LRRN1: variants seen among roughly 807,000 people sequenced by gnomAD.
LRRN1 encodes leucine-rich repeat neuronal protein 1.
LRRN1 carries 14 observed loss-of-function variants against 45.8 expected under a neutral mutation model. The observed-to-expected ratio is 0.31, with a 90% CI of 0.20 to 0.48. The LOEUF (loss-of-function observed/expected upper bound fraction) is 0.48. Ranked by LOEUF, LRRN1 falls within the 20% of genes least tolerant of loss-of-function variation. LRRN1 has a pLI of 0.99. For missense variants in LRRN1, 789 were observed against 874.2 expected (o/e 0.90, Z 1.23); for synonymous variants, 359 against 330.1 (o/e 1.09, Z -0.95).
At chr3:3,826,609 G>A (rs1352457393) in intron 1 of LRRN1, among the ~76,000 whole-genome samples, 2 of 151,994 alleles carry the variant, frequency 1.3e-5, no homozygotes, top group Admixed American at 1.3e-4. Flanking sequence ...TTTCCTTAAT[G>A]CATTACGGAG....
In LRRN1 at chr3:3,829,983, G is replaced by A. The variant is rs1157491119; in HGVS notation, c.-278-14381G>A. 2.6e-5 allele frequency among the ~76,000 whole-genome samples: 4 copies of A among 152,254 alleles called. No homozygotes were observed. The East Asian group carries it at 7.7e-4, about 29-fold the overall frequency. ...TGTTGGTCTCTGCTGCTGGCAAATT[G>A]GGCACTCAGCAGTGTCTGGAGCCAG... On this transcript the variant is annotated intron_variant, in intron 1 of 1. Coordinates refer to ENST00000319331, the MANE Select transcript of LRRN1 (RefSeq NM_020873.7).
At chr3:3,840,631 T>G (rs555658706) in intron 1 of LRRN1, among the ~76,000 whole-genome samples, 1 of 152,346 alleles carries the variant, frequency 6.6e-6, no homozygotes, top group South Asian at 2.1e-4. Flanking sequence ...TTTAATTCCT[T>G]GCTGCCAAAG....
In LRRN1 at chr3:3,844,851, C is replaced by G. The variant is rs770168938; in HGVS notation, c.210C>G (p.Leu70=). Residue 70 remains leucine (L), a synonymous_variant, in exon 2 of 2, where the codon CTC becomes CTG. Coordinates refer to ENST00000319331, the MANE Select transcript of LRRN1 (RefSeq NM_020873.7). The part of the protein sequence containing the change: ...DLRLTRIPSN[L]SSDTQVLLLQ... Reference sequence around the variant, plus strand: ...GCTTAACAAGGATTCCCAGTAACCTCTCTAGTGACACACAAGTGCTTCTCT... The same window carrying G: ...GCTTAACAAGGATTCCCAGTAACCTGTCTAGTGACACACAAGTGCTTCTCT... The G allele has an allele frequency of 1.1e-5, 18 of 1,614,084 alleles. No homozygotes were observed. The highest frequency in any genetic ancestry group is 1.7e-5 in the Admixed American group (1 of 60,010).
At chr3:3,801,758 T>C (rs1307478006) in intron 1 of LRRN1, among the ~76,000 whole-genome samples, 2 of 152,262 alleles carry the variant, frequency 1.3e-5, no homozygotes, top group Non-Finnish European at 2.9e-5. Flanking sequence ...CTCAAAGTGC[T>C]GCTTGCTCTT....
In LRRN1 at chr3:3,845,718, C is replaced by T. The variant is rs762357822; in HGVS notation, c.1077C>T (p.Ser359=). ...CCATTTACCAAAAGACAGTCGAATCCCTCCCCAATCTGCGTGAGATCAGTA... is the reference window on the plus strand; with the variant it reads ...CCATTTACCAAAAGACAGTCGAATCTCTCCCCAATCTGCGTGAGATCAGTA... The part of the protein sequence containing the change: ...LNAIYQKTVE[S]LPNLREISIH... Residue 359 remains serine, a synonymous_variant, in exon 2 of 2, where the codon TCC becomes TCT. Transcript: ENST00000319331. This position sits in a 1 kb window ranked among gnomAD's most constrained non-coding sequence, Gnocchi z 6.5. The T allele has an allele frequency of 8.1e-6, 13 of 1,613,894 alleles. No individual in the cohort carries two copies. In the East Asian group the frequency reaches 2.0e-4, roughly 25 times the overall value.
chr3:3,843,303 T>A (rs1386362804), intron 1 of LRRN1, among the ~76,000 whole-genome samples: 1 of 152,212 alleles, frequency 6.6e-6, no homozygotes, highest in East Asian at 1.9e-4. Flanking sequence ...GAGATACAAA[T>A]ACATCTATTG....
chr3:3,817,999 A>G (rs866958809), intron 1 of LRRN1, among the ~76,000 whole-genome samples: 1 of 152,354 alleles, frequency 6.6e-6, no homozygotes, highest in South Asian at 2.1e-4. Context: ...ACATGTTGGC[A>G]CTTTCAGTGC....
intron 1 of LRRN1, among the ~76,000 whole-genome samples, chr3:3,822,022 T>G (rs1417506562): frequency 6.6e-6 from 1 of 152,184 alleles, no homozygotes; most frequent in Non-Finnish European, 1.5e-5. Flanking sequence ...CGGATTGGGA[T>G]AGAAAAGCGA....
chr3:3,822,742 A>G (rs1693130674), intron 1 of LRRN1: 2 of 152,170 alleles, frequency 1.3e-5, no homozygotes, highest in African/African-American at 4.8e-5. Context: ...ACCTTCAAAA[A>G]TGACATGGCC....
At chr3:3,833,068 C>T (rs1693403496) in intron 1 of LRRN1, among the ~76,000 whole-genome samples, 1 of 152,186 alleles carries the variant, frequency 6.6e-6, no homozygotes, top group South Asian at 2.1e-4. Flanking sequence ...ACTGCTGTTC[C>T]CACCGTTAGA....
chr3:3,826,750 G>A (rs568298348), intron 1 of LRRN1, among the ~76,000 whole-genome samples: 1 of 152,216 alleles, frequency 6.6e-6, no homozygotes, highest in East Asian at 1.9e-4. Flanking sequence ...AGAAATCTAA[G>A]AGTCAGAAAG....
intron 1 of LRRN1, among the ~76,000 whole-genome samples, chr3:3,839,336 G>C (rs1693595200): frequency 6.6e-6 from 1 of 152,114 alleles, no homozygotes; most frequent in African/African-American, 2.4e-5. Flanking sequence ...TCTGGACTCT[G>C]TTCCATTGGT....
At chr3:3,839,369 G>T (rs550353266) in intron 1 of LRRN1, among the ~76,000 whole-genome samples, 3 of 152,136 alleles carry the variant, frequency 2.0e-5, no homozygotes, top group Non-Finnish European at 4.4e-5. Flanking sequence ...CTTTATGTCA[G>T]TACCACACCA....
At chr3:3,823,655 A>T (rs1320882928) in intron 1 of LRRN1, among the ~76,000 whole-genome samples, 6 of 152,166 alleles carry the variant, frequency 3.9e-5, no homozygotes, top group Non-Finnish European at 7.3e-5. Context: ...AACTATGCCC[A>T]TCAAAAAGAG....
intron 1 of LRRN1, among the ~76,000 whole-genome samples, chr3:3,834,173 A>G (rs9810514): frequency 0.18 from 26,771 of 151,786 alleles, 2,656 homozygotes; most frequent in East Asian, 0.3. Flanking sequence ...CACTTTGTCC[A>G]CTGAACTTAG....
intron 1 of LRRN1, among the ~76,000 whole-genome samples, chr3:3,802,512 CG>C (rs1292784441): frequency 6.6e-6 from 1 of 152,110 alleles, no homozygotes; most frequent in Non-Finnish European, 1.5e-5. Flanking sequence ...CTCAGTGTTT[CG>C]GGGGAGGGGT....
At chr3:3,823,420 G>C (rs939747801) in intron 1 of LRRN1, among the ~76,000 whole-genome samples, 1 of 152,000 alleles carries the variant, frequency 6.6e-6, no homozygotes, top group Non-Finnish European at 1.5e-5. Context: ...AGAAGAAGAA[G>C]GTTAGGTTAA....
intron 1 of LRRN1, among the ~76,000 whole-genome samples, chr3:3,812,588 C>T (rs1355570427): frequency 6.6e-6 from 1 of 152,182 alleles, no homozygotes; most frequent in African/African-American, 2.4e-5. Context: ...AAGGAAGAGA[C>T]TGCATCCTAT....
intron 1 of LRRN1, among the ~76,000 whole-genome samples, chr3:3,831,440 A>G (rs1693372091): frequency 6.6e-6 from 1 of 152,234 alleles, no homozygotes; most frequent in African/African-American, 2.4e-5. Context: ...TGCTCAGTGG[A>G]TCCAATCAGC....
Sources: gnomAD v4.1 joint callset for allele counts (sites outside exome capture counted in the v4.1 genomes callset) on GRCh38, gnomAD v4.1.1 for gene constraint, Gnocchi (gnomAD v3.1) non-coding constraint, MANE v1.5 for transcripts, NCBI Gene and HGNC (gene_info 2026-07-23, HGNC 2026-07-21) for gene names.